The following DOCK4 variants were observed in gnomAD, a reference collection of about 807,000 sequenced individuals.
DOCK4 encodes dedicator of cytokinesis 4.
In DOCK4, 97 loss-of-function variants were observed where a neutral mutation model predicts 268.1. That is an observed-to-expected ratio of 0.36 (90% CI 0.31 to 0.43). The LOEUF (loss-of-function observed/expected upper bound fraction) is 0.43. Ranked by LOEUF, DOCK4 falls within the 20% of genes least tolerant of loss-of-function variation. The pLI, the probability that DOCK4 is intolerant of heterozygous loss-of-function variation, is 1.00. For synonymous variants in DOCK4, 954 were observed against 887.2 expected (o/e 1.08, Z -1.34); for missense variants, 2,145 against 2,455.7 (o/e 0.87, Z 2.67).
chr7:112,000,011 A>G (rs1350352646), intron 3 of DOCK4, among the ~76,000 whole-genome samples: 2 of 152,098 alleles, frequency 1.3e-5, no homozygotes, highest in African/African-American at 4.8e-5. Context: ...CTGAAATGGT[A>G]AGAAAGATGG....
intron 13 of DOCK4, among the ~76,000 whole-genome samples, chr7:111,911,120 T>C (rs1029016689): frequency 1.3e-5 from 2 of 152,176 alleles, no homozygotes; most frequent in African/African-American, 4.8e-5. Context: ...GTTGGTATAA[T>C]CATGTGCCTC....
chr7:112,089,946 T>C (rs926655859), intron 1 of DOCK4, among the ~76,000 whole-genome samples: 3 of 152,198 alleles, frequency 2.0e-5, no homozygotes, highest in African/African-American at 4.8e-5. Flanking sequence ...AATGCATTCA[T>C]TGAACTAATC....
chr7:111,749,177 T>G lies in DOCK4; in HGVS notation c.4417-1734A>C, dbSNP rs116681086. Among the ~76,000 whole-genome samples the G allele has an allele frequency of 7.4e-3, 1,120 of 152,290 alleles. 19 individuals are homozygous for G. Among genetic ancestry groups the G allele is most frequent in the African/African-American group, 0.025 (1,050 of 41,560 alleles). ...GCTGGCAATGTTCTGTTTCTTTACCTGAATGGTGGAAAACGGGTATTTACT... is the reference window on the plus strand; with the variant it reads ...GCTGGCAATGTTCTGTTTCTTTACCGGAATGGTGGAAAACGGGTATTTACT... On this transcript the variant is annotated intron_variant, in intron 42 of 52. Coordinates refer to ENST00000428084, the MANE Select transcript of DOCK4 (RefSeq NM_001363540.2).
At chr7:112,026,431 G>GA (rs1802794300) in intron 1 of DOCK4, among the ~76,000 whole-genome samples, 2 of 152,130 alleles carry the variant, frequency 1.3e-5, no homozygotes, top group African/African-American at 4.8e-5. Flanking sequence ...TGGAAAAATT[G>GA]TCTTCCATGA....
chr7:111,917,705 T>TA (rs555037371), intron 12 of DOCK4, among the ~76,000 whole-genome samples: 4,931 of 106,554 alleles, frequency 0.046, 235 homozygotes, highest in African/African-American at 0.14. Context: ...GACCCCATAA[T>TA]AAAAAAAAAA....
intron 27 of DOCK4, chr7:111,820,646 T>C (rs1168319496): frequency 1.3e-5 from 2 of 152,178 alleles, no homozygotes; most frequent in Non-Finnish European, 2.9e-5. Context: ...AAAAGCCACA[T>C]GGTTGTTACA....
chr7:111,957,893 G>A (rs1796564596), intron 8 of DOCK4, among the ~76,000 whole-genome samples: 1 of 152,064 alleles, frequency 6.6e-6, no homozygotes, highest in South Asian at 2.1e-4. Flanking sequence ...AAATACTTAG[G>A]GAAAGATGCT....
At chr7:112,022,663 T>A (rs1802426535) in intron 1 of DOCK4, among the ~76,000 whole-genome samples, 1 of 152,202 alleles carries the variant, frequency 6.6e-6, no homozygotes, top group African/African-American at 2.4e-5. Context: ...ATGGAGAACA[T>A]GGATGGTGTT....
chr7:112,018,307 G>C (rs1366375579), intron 1 of DOCK4, among the ~76,000 whole-genome samples: 1 of 151,738 alleles, frequency 6.6e-6, no homozygotes, highest in Non-Finnish European at 1.5e-5. Context: ...AAAATGAAAA[G>C]ATATTAAGGA....
intron 1 of DOCK4, among the ~76,000 whole-genome samples, chr7:112,145,523 T>A (rs1815391775): frequency 6.6e-6 from 1 of 152,198 alleles, no homozygotes; most frequent in African/African-American, 2.4e-5. Context: ...TCTTCCCAGT[T>A]TACAGTGCTA....
At chr7:112,137,211 A>C (rs1035764837) in intron 1 of DOCK4, among the ~76,000 whole-genome samples, 8 of 152,218 alleles carry the variant, frequency 5.3e-5, no homozygotes, top group Non-Finnish European at 1.0e-4. Flanking sequence ...TTTCATTAAA[A>C]GTTTTGGAAG....
chr7:111,930,241 G>A (rs1205960513), intron 12 of DOCK4, among the ~76,000 whole-genome samples: 1 of 152,144 alleles, frequency 6.6e-6, no homozygotes, highest in Non-Finnish European at 1.5e-5. Flanking sequence ...ATCTTAAAAA[G>A]TTAAATGGAT....
chr7:111,875,176 C>T (rs1464227258), intron 17 of DOCK4, among the ~76,000 whole-genome samples: 1 of 152,132 alleles, frequency 6.6e-6, no homozygotes, highest in African/African-American at 2.4e-5. Context: ...AACACTTATC[C>T]GTCTCCAAAG....
intron 1 of DOCK4, among the ~76,000 whole-genome samples, chr7:112,029,891 T>TTCA (rs1803127405): frequency 6.6e-6 from 1 of 152,228 alleles, no homozygotes; most frequent in African/African-American, 2.4e-5. Flanking sequence ...TGAATATTCA[T>TTCA]GACAATTAAA....
chr7:111,769,487 C>T lies in DOCK4; in HGVS notation c.3828+42G>A, dbSNP rs753033574. 1.1e-5 allele frequency: 18 copies of T among 1,608,296 alleles called. No individual in the cohort carries two copies. In the South Asian group the frequency reaches 2.0e-4, roughly 18 times the overall value. ...ATGAAAGGGAAAGGGACATCAACACCATCACCCCAGGAGGGACCCCGGGCG... is the reference window on the plus strand; with the variant it reads ...ATGAAAGGGAAAGGGACATCAACACTATCACCCCAGGAGGGACCCCGGGCG... On this transcript the variant is annotated intron_variant, in intron 37 of 52. Coordinates refer to ENST00000428084, the MANE Select transcript of DOCK4 (RefSeq NM_001363540.2).
intron 13 of DOCK4, among the ~76,000 whole-genome samples, chr7:111,909,682 G>A (rs1279714518): frequency 1.3e-5 from 2 of 152,172 alleles, no homozygotes; most frequent in South Asian, 2.1e-4. Flanking sequence ...TTTAGGGGAT[G>A]GGCATGGTGG....
At chr7:111,880,747 C>G (rs1384216735) in intron 16 of DOCK4, among the ~76,000 whole-genome samples, 1 of 152,108 alleles carries the variant, frequency 6.6e-6, no homozygotes, top group Non-Finnish European at 1.5e-5. Flanking sequence ...TGGAACAGAA[C>G]AGAGAACCCA....
chr7:111,876,748 GT>G (rs201760586), intron 17 of DOCK4, among the ~76,000 whole-genome samples: 19,698 of 123,966 alleles, frequency 0.16, 1,326 homozygotes, highest in Non-Finnish European at 0.2. Context: ...TGGTATTTTC[GT>G]TTTTTTTTTT....
At chr7:111,785,373 G>C (rs780572998) in intron 32 of DOCK4, among the ~76,000 whole-genome samples, 2 of 152,080 alleles carry the variant, frequency 1.3e-5, no homozygotes, top group Non-Finnish European at 2.9e-5. Context: ...AAATTTCCCC[G>C]TGACAGCCTA....
Sources: allele counts gnomAD v4.1 joint callset (sites outside exome capture counted in the v4.1 genomes callset), GRCh38; gene constraint gnomAD v4.1.1; transcripts MANE v1.5; gene names NCBI Gene and HGNC (gene_info 2026-07-23, HGNC 2026-07-21).